The following DDX10 variants were observed in gnomAD, a reference collection of about 807,000 sequenced individuals.
DDX10 encodes DEAD-box helicase 10, also known as probable ATP-dependent RNA helicase DDX10.
A neutral mutation model predicts 104.3 loss-of-function variants in DDX10; 74 were observed. The ratio of observed to expected loss-of-function variants is 0.71; its 90% CI spans 0.59 to 0.86. DDX10 has a LOEUF of 0.86. Ranked by LOEUF, DDX10 falls within the 40% of genes least tolerant of loss-of-function variation. DDX10 has a pLI of 0.00. For synonymous variants in DDX10, 351 were observed against 353.4 expected (o/e 0.99, Z 0.08); for missense variants, 952 against 1,040.0 (o/e 0.92, Z 1.16).
At chr11:108,910,879 G>A (rs753869569) in intron 16 of DDX10, among the ~76,000 whole-genome samples, 4 of 151,974 alleles carry the variant, frequency 2.6e-5, no homozygotes, top group African/African-American at 4.8e-5. Context: ...AAAGATGAGA[G>A]AACTAGTCAG....
Position 108,915,294 on chromosome 11 carries a change from A to G in DDX10, c.2305-2579A>G, listed in dbSNP as rs76100189. 4.1e-3 allele frequency among the ~76,000 whole-genome samples: 623 copies of G among 152,264 alleles called. 5 individuals are homozygous for G. The highest frequency in any genetic ancestry group is 0.027 in the Middle Eastern group (8 of 294). On this transcript the variant is annotated intron_variant, in intron 16 of 17. Transcript: ENST00000322536. ...CTTACCCTTCAAGGAAAACAACTGAAAGTATTTGTTGCTGATGCTAAAATT... is the reference window on the plus strand; with the variant it reads ...CTTACCCTTCAAGGAAAACAACTGAGAGTATTTGTTGCTGATGCTAAAATT...
At chr11:108,909,487 C>T (rs911016965) in intron 16 of DDX10, among the ~76,000 whole-genome samples, 6 of 151,530 alleles carry the variant, frequency 4.0e-5, no homozygotes, top group African/African-American at 1.2e-4. Context: ...GCCCTACTCC[C>T]GCCCCTTCCC....
At chr11:108,837,644 G>A (rs1269971075) in intron 13 of DDX10, among the ~76,000 whole-genome samples, 2 of 29,556 alleles carry the variant, frequency 6.8e-5, no homozygotes, top group South Asian at 1.0e-3. Context: ...TTTTTTTTTA[G>A]GCAAAGCCTT....
At chr11:108,796,378 T>G (rs562390832) in intron 13 of DDX10, among the ~76,000 whole-genome samples, 1 of 152,356 alleles carries the variant, frequency 6.6e-6, no homozygotes, top group Non-Finnish European at 1.5e-5. Flanking sequence ...AGCAAACATA[T>G]GCTTTTGGGG....
chr11:108,810,376 T>C (rs1862162612), intron 13 of DDX10, among the ~76,000 whole-genome samples: 1 of 152,080 alleles, frequency 6.6e-6, no homozygotes, highest in African/African-American at 2.4e-5. Flanking sequence ...TGTTATTTGA[T>C]CTTATTATGT....
chr11:108,863,387 A>C (rs1396146326), intron 16 of DDX10, among the ~76,000 whole-genome samples: 1 of 152,206 alleles, frequency 6.6e-6, no homozygotes, highest in Non-Finnish European at 1.5e-5. Context: ...TTGGATTATG[A>C]GATGATTACT....
Position 108,938,576 on chromosome 11 carries a change from CT to C in DDX10, c.2451-1662del, listed in dbSNP as rs1864064770. 2.0e-5 allele frequency among the ~76,000 whole-genome samples: 3 copies of C among 152,066 alleles called. No homozygotes were observed. In the South Asian group the frequency reaches 6.2e-4, roughly 32 times the overall value. On this transcript the variant is annotated intron_variant, in intron 17 of 17. Coordinates refer to ENST00000322536, the MANE Select transcript of DDX10 (RefSeq NM_004398.4). ...CTCATAAAAAGATTAGGGCTCAATA[CT>C]TTTTTTTAAGACCCTCTTTCACTAA...
intron 16 of DDX10, among the ~76,000 whole-genome samples, chr11:108,886,149 A>G (rs1863293379): frequency 1.3e-5 from 2 of 152,200 alleles, no homozygotes; most frequent in Admixed American, 6.5e-5. Context: ...GGGGAAGGGT[A>G]TATGATTCAT....
Position 108,893,321 on chromosome 11 carries a change from T to C in DDX10, c.2305-24552T>C, listed in dbSNP as rs1565311120. Among the ~76,000 whole-genome samples, 4 of 152,066 alleles carry C rather than the reference T, an allele frequency of 2.6e-5. No homozygotes were observed. The South Asian group carries it at 8.3e-4, about 31-fold the overall frequency. Reference sequence around the variant, plus strand: ...TGTGGAATGAATTTTGTATTAACTTTATTAAAAATAATTTTATATTAAAAC... The same window carrying C: ...TGTGGAATGAATTTTGTATTAACTTCATTAAAAATAATTTTATATTAAAAC... On this transcript the variant is annotated intron_variant, in intron 16 of 17. Coordinates refer to ENST00000322536, the MANE Select transcript of DDX10 (RefSeq NM_004398.4).
Position 108,940,382 on chromosome 11 carries a change from G to A in DDX10, c.2587G>A (p.Asp863Asn). ...PLDTGLSLAEDEELVLHLLRS... is the reference protein window; with the variant it reads ...PLDTGLSLAENEELVLHLLRS... ...GGATACCGGCCTGTCTTTAGCAGAG[G>A]ATGAAGAGCTGGTGTTACATCTGCT... The change falls in exon 18 of 18, where the codon GAT (aspartate) becomes AAT (asparagine). Residue 863 changes from aspartate to asparagine, a missense_variant. Asp to Asn is a conservative substitution (Grantham distance 23). Around this residue, in one of 3 missense-constraint regions of DDX10, gnomAD observed 533 missense variants for 534.1 expected, o/e 1.00. Transcript: ENST00000322536. 6.2e-7 allele frequency: 1 copy of A among 1,613,982 alleles called. No homozygotes were observed. The highest frequency in any genetic ancestry group is 1.7e-4 in the Middle Eastern group (1 of 6,054).
At chr11:108,905,166 GA>G (rs2134651979) in intron 16 of DDX10, among the ~76,000 whole-genome samples, 1 of 152,118 alleles carries the variant, frequency 6.6e-6, no homozygotes, top group South Asian at 2.1e-4. Context: ...TGGCTTCCAG[GA>G]ACCCCAGGTT....
Position 108,932,419 on chromosome 11 carries a change from G to A in DDX10, c.2451-7827G>A, listed in dbSNP as rs1863986185. 2.0e-5 allele frequency among the ~76,000 whole-genome samples: 3 copies of A among 151,886 alleles called. No homozygotes were observed. The South Asian group carries it at 6.2e-4, about 31-fold the overall frequency. On this transcript the variant is annotated intron_variant, in intron 17 of 17. Coordinates refer to ENST00000322536, the MANE Select transcript of DDX10 (RefSeq NM_004398.4). ...GGAGGATTGTGTCAGCCCAGTTCAA[G>A]GCCAGTTTGGGCAACATAGCAAGAC...
chr11:108,709,964 T>G (rs1437853340), intron 10 of DDX10, among the ~76,000 whole-genome samples: 1 of 152,234 alleles, frequency 6.6e-6, no homozygotes, highest in African/African-American at 2.4e-5. Flanking sequence ...TGGTATAGCC[T>G]ATTGCATTTA....
At chr11:108,690,493 C>T (rs566419007) in intron 7 of DDX10, 28 of 155,002 alleles carry the variant, frequency 1.8e-4, no homozygotes, top group Admixed American at 1.0e-3. Flanking sequence ...GTGAGCTTGC[C>T]GATCTTGTTC....
intron 13 of DDX10, among the ~76,000 whole-genome samples, chr11:108,724,866 G>A (rs1466733887): frequency 1.3e-5 from 2 of 152,036 alleles, no homozygotes; most frequent in African/African-American, 4.8e-5. Flanking sequence ...CTCTATGTCA[G>A]TTATCTAAAT....
intron 3 of DDX10, 50 bp from the exon 4 acceptor site, chr11:108,677,035 A>G: frequency 6.4e-7 from 1 of 1,555,864 alleles, no homozygotes; most frequent in South Asian, 1.2e-5. Context: ...TGCAGGTCAA[A>G]AAGCTGACTT....
chr11:108,919,255 A>G (rs1863792098), intron 17 of DDX10: 1 of 152,156 alleles, frequency 6.6e-6, no homozygotes, highest in Non-Finnish European at 1.5e-5. Context: ...GGCTCTAGGT[A>G]GTGGACATCA....
intron 13 of DDX10, among the ~76,000 whole-genome samples, chr11:108,780,052 C>G (rs1181093443): frequency 6.6e-6 from 1 of 152,236 alleles, no homozygotes; most frequent in South Asian, 2.1e-4. Context: ...AATGGTTGAT[C>G]AAGGATTAAA....
At chr11:108,905,188 A>C (rs2134652008) in intron 16 of DDX10, among the ~76,000 whole-genome samples, 1 of 152,210 alleles carries the variant, frequency 6.6e-6, no homozygotes. Flanking sequence ...AAGAACTCCT[A>C]ATCTAAAGCT....
Sources: allele counts gnomAD v4.1 joint callset (sites outside exome capture counted in the v4.1 genomes callset), GRCh38; gene constraint gnomAD v4.1.1; regional missense constraint gnomAD v4.1.1; transcripts MANE v1.5; gene names NCBI Gene and HGNC (gene_info 2026-07-23, HGNC 2026-07-21).